The following HEATR5A variants were observed in gnomAD, a reference collection of about 807,000 sequenced individuals.
HEATR5A encodes HEAT repeat containing 5A.
In HEATR5A, 178 loss-of-function variants were observed where a neutral mutation model predicts 218.8. That is an observed-to-expected ratio of 0.81 (90% CI 0.72 to 0.92). The LOEUF (loss-of-function observed/expected upper bound fraction) is 0.92, where lower values mean the gene tolerates loss of function less well. HEATR5A is among the 40% of genes least tolerant of loss of function. The pLI, the probability that HEATR5A is intolerant of heterozygous loss-of-function variation, is 0.00. For missense variants in HEATR5A, 2,420 were observed against 2,418.9 expected, an observed-to-expected ratio of 1.00 and a Z score of -0.01; for synonymous variants, 864 against 871.6, an observed-to-expected ratio of 0.99 and a Z score of 0.15.
In HEATR5A at chr14:31,321,680, T is replaced by G. The variant is rs28396248; in HGVS notation, c.3788A>C (p.Asn1263Thr). 110,457 of 1,566,852 alleles carry G rather than the reference T, an allele frequency of 0.07. 4,485 individuals carry two copies. The highest frequency in any genetic ancestry group is 0.18 in the East Asian group (7,957 of 44,054). ...AQEMKKRDSRNDFLVLHLADL... is the reference protein window; with the variant it reads ...AQEMKKRDSRTDFLVLHLADL... ...AGCAAGATGCAGTACCAAAAAGTCA[T>G]CTATAAGATTAAAAAACATATTGGG... Residue 1263 changes from asparagine (N) to threonine (T), a missense_variant and splice_region_variant, in exon 25 of 36, where the codon AAT becomes ACT. Coordinates refer to ENST00000543095, the MANE Select transcript of HEATR5A (RefSeq NM_015473.4).
At chr14:31,334,037 C>CAAAAAAA (rs58087742) in intron 22 of HEATR5A, among the ~76,000 whole-genome samples, 7 of 87,892 alleles carry the variant, frequency 8.0e-5, no homozygotes, top group Non-Finnish European at 1.0e-4. Context: ...GACCCTGTCT[C>CAAAAAAA]AAAAAAAAAA....
At chr14:31,404,124 G>A (rs1012580448) in intron 1 of HEATR5A, among the ~76,000 whole-genome samples, 1 of 152,058 alleles carries the variant, frequency 6.6e-6, no homozygotes, top group Non-Finnish European at 1.5e-5. Flanking sequence ...AACACAAGTT[G>A]GCTATTAAAA....
rs778920613 is a variant in HEATR5A, at chr14:31,383,560, T to C, written c.1557A>G (p.Val519=). The C allele has an allele frequency of 5.6e-6, 9 of 1,613,974 alleles. No individual in the cohort carries two copies. The Admixed American group carries it at 1.0e-4, about 18-fold the overall frequency. The change falls in exon 10 of 36, where the codon GTA becomes GTG. Residue 519 remains valine (V), a synonymous_variant. Coordinates refer to ENST00000543095, the MANE Select transcript of HEATR5A (RefSeq NM_015473.4). ...SFAVAALLGA[V]KHCPLGIPHG... Reference sequence around the variant, plus strand: ...GAGGAATTCCTAAAGGACAATGTTTTACTGCTCCCAACAAAGCTGCTACAG... The same window carrying C: ...GAGGAATTCCTAAAGGACAATGTTTCACTGCTCCCAACAAAGCTGCTACAG...
intron 22 of HEATR5A, among the ~76,000 whole-genome samples, chr14:31,329,796 TCC>T (rs1566756530): frequency 1.3e-5 from 2 of 152,304 alleles, no homozygotes; most frequent in East Asian, 3.9e-4. Context: ...CACCGCAACC[TCC>T]ACCTCCTAGG....
intron 22 of HEATR5A, among the ~76,000 whole-genome samples, chr14:31,329,330 C>G (rs1444064677): frequency 6.6e-6 from 1 of 152,202 alleles, no homozygotes; most frequent in Non-Finnish European, 1.5e-5. Context: ...AAAGTCTCAT[C>G]TGAGACAAGG....
At chr14:31,377,450 T>C (rs1244559359) in intron 11 of HEATR5A, among the ~76,000 whole-genome samples, 2 of 152,012 alleles carry the variant, frequency 1.3e-5, no homozygotes, top group Admixed American at 6.6e-5. Flanking sequence ...CCCCTGAAAG[T>C]TGCTATGATA....
intron 16 of HEATR5A, among the ~76,000 whole-genome samples, chr14:31,357,679 G>A (rs943430244): frequency 1.3e-5 from 2 of 152,074 alleles, no homozygotes; most frequent in African/African-American, 4.8e-5. Flanking sequence ...TCCATTTTTT[G>A]GGGAGGACAT....
At position 31,305,108 on chromosome 14, in the gene HEATR5A, A is replaced by C; in HGVS notation, c.5036T>G (p.Val1679Gly). ...FGEGKDTGGL[V>G]PGKSLVFATL... Reference sequence around the variant, plus strand: ...TGCAAAGACCAAAGACTTTCCAGGCACAAGTCCTCCGGTGTCCTTTCCCTC... The same window carrying C: ...TGCAAAGACCAAAGACTTTCCAGGCCCAAGTCCTCCGGTGTCCTTTCCCTC... Residue 1679 changes from valine (V) to glycine (G), a missense_variant, in exon 32 of 36, where the codon GTG (valine) becomes GGG (glycine). By Grantham distance (109) the Val-to-Gly change is moderately radical. Transcript: ENST00000543095. 6.2e-7 allele frequency: 1 copy of C among 1,614,034 alleles called. No homozygotes were observed. The highest frequency in any genetic ancestry group is 8.5e-7 in the Non-Finnish European group (1 of 1,179,888).
chr14:31,336,040 T>C (rs1055689481), intron 22 of HEATR5A, among the ~76,000 whole-genome samples: 1 of 149,688 alleles, frequency 6.7e-6, no homozygotes, highest in African/African-American at 2.5e-5. Flanking sequence ...CAGTGCATAA[T>C]AACTCACAGC....
chr14:31,355,473 CTATA>C (rs1901392394), intron 16 of HEATR5A, among the ~76,000 whole-genome samples: 1 of 152,036 alleles, frequency 6.6e-6, no homozygotes, highest in Non-Finnish European at 1.5e-5. Context: ...TGGCTCATGC[CTATA>C]ATCTCAGCAC....
chr14:31,311,132 A>G (rs1595084563), intron 28 of HEATR5A, among the ~76,000 whole-genome samples: 2 of 152,204 alleles, frequency 1.3e-5, no homozygotes, highest in Non-Finnish European at 2.9e-5. Flanking sequence ...ATTCATATCA[A>G]AAAGTAAAAA....
chr14:31,316,966 G>C (rs1595090123), intron 26 of HEATR5A, among the ~76,000 whole-genome samples: 1 of 152,108 alleles, frequency 6.6e-6, no homozygotes, highest in African/African-American at 2.4e-5. Context: ...GGGATTATAG[G>C]AATGAGCCAC....
At chr14:31,412,559 T>C (rs2031313303) in intron 1 of HEATR5A, among the ~76,000 whole-genome samples, 1 of 151,330 alleles carries the variant, frequency 6.6e-6, no homozygotes, top group South Asian at 2.1e-4. Flanking sequence ...TGTTTTAACT[T>C]TGTATATTTA....
rs1197916063 is a variant in HEATR5A at position 31,386,490 on chromosome 14, T to C, written c.1275A>G (p.Leu425=). ...AASQHMLVCA[L]QELGNLIHNL... The stretch of plus-strand genomic sequence containing the variant: ...TGTGTATGAGATTTCCAAGTTCTTG[T>C]AAAGCACAAACCAGCATATGTTGGC... Residue 425 remains leucine (L), a synonymous_variant, in exon 9 of 36, where the codon TTA becomes TTG. Transcript: ENST00000543095. The C allele has an allele frequency of 6.2e-7, 1 of 1,613,676 alleles. No homozygotes were observed. Among genetic ancestry groups the C allele is most frequent in the Non-Finnish European group, 8.5e-7 (1 of 1,179,780 alleles).
intron 3 of HEATR5A, among the ~76,000 whole-genome samples, chr14:31,399,659 G>T (rs541909900): frequency 6.6e-6 from 1 of 151,984 alleles, no homozygotes; most frequent in East Asian, 1.9e-4. Flanking sequence ...GTGAAACCCC[G>T]TATCTACTAA....
rs1391411687 is a variant in HEATR5A at position 31,413,381 on chromosome 14, CCTT to C, written c.-75+7088_-75+7090del. Among the ~76,000 whole-genome samples the C allele has an allele frequency of 2.7e-5, 4 of 150,176 alleles. 1 individual carries two copies. The highest frequency in any genetic ancestry group is 4.2e-4 in the South Asian group (2 of 4,784). On this transcript the variant is annotated intron_variant, in intron 1 of 35. Coordinates refer to ENST00000543095, the MANE Select transcript of HEATR5A (RefSeq NM_015473.4). ...CAGGTTGGGGACTGAATTTACTCTG[CCTT>C]CTTTTTTTTTTTTTTTTTCCAAAAT... is the stretch of plus-strand genomic sequence containing the variant.
At chr14:31,313,281 C>A in intron 27 of HEATR5A, 91 bp from the exon 28 acceptor site, 1 of 920,586 alleles carries the variant, frequency 1.1e-6, no homozygotes, top group East Asian at 2.4e-5. Flanking sequence ...GGCAGACTTA[C>A]CTTTGAGCAT....
intron 3 of HEATR5A, among the ~76,000 whole-genome samples, chr14:31,399,255 C>A (rs181046198): frequency 6.6e-6 from 1 of 152,092 alleles, no homozygotes. Context: ...TCCTAAGGCA[C>A]GACACTTAGG....
intron 25 of HEATR5A, chr14:31,320,466 T>C: frequency 1.5e-6 from 2 of 1,364,058 alleles, no homozygotes; most frequent in South Asian, 1.2e-5. Flanking sequence ...GAGACAACAC[T>C]GGTCTGGAAC....
Sources: gnomAD v4.1 joint callset for allele counts (sites outside exome capture counted in the v4.1 genomes callset) on GRCh38, gnomAD v4.1.1 for gene constraint, MANE v1.5 for transcripts, NCBI Gene and HGNC (gene_info 2026-07-23, HGNC 2026-07-21) for gene names.